The following ARL15 variants were observed in gnomAD, a reference collection of about 807,000 sequenced individuals.
ARL15 encodes ADP-ribosylation factor-like protein 15.
In ARL15, 19 loss-of-function variants were observed where a neutral mutation model predicts 25.2. The observed-to-expected ratio is 0.75, with a 90% CI of 0.53 to 1.10. The LOEUF (loss-of-function observed/expected upper bound fraction) is 1.10. Among genes scored for constraint, ARL15 ranks in the 50% least tolerant of loss-of-function variants. The pLI is 0.00. For missense variants in ARL15, 220 were observed against 246.0 expected (o/e 0.89, Z 0.71); for synonymous variants, 94 against 86.8 (o/e 1.08, Z -0.46).
chr5:54,094,233 T>C (rs572428449), intron 4 of ARL15, among the ~76,000 whole-genome samples: 1 of 152,298 alleles, frequency 6.6e-6, no homozygotes, highest in South Asian at 2.1e-4. Flanking sequence ...TTTATTTGGA[T>C]TGCCTTAAAA....
At chr5:54,119,818 T>C (rs1256477118) in intron 3 of ARL15, among the ~76,000 whole-genome samples, 1 of 152,152 alleles carries the variant, frequency 6.6e-6, no homozygotes, top group Non-Finnish European at 1.5e-5. Context: ...TTCAAACCAC[T>C]ACATGCGCTT....
chr5:54,222,110 G>A (rs749752305), intron 1 of ARL15, among the ~76,000 whole-genome samples: 5 of 152,154 alleles, frequency 3.3e-5, no homozygotes, highest in African/African-American at 7.2e-5. Context: ...GAATCAGAAA[G>A]CAAGTTTCTC....
At chr5:54,267,738 G>C (rs997498431) in intron 1 of ARL15, among the ~76,000 whole-genome samples, 4 of 152,152 alleles carry the variant, frequency 2.6e-5, no homozygotes, top group African/African-American at 9.6e-5. Flanking sequence ...GCTTAGTTTG[G>C]CTGGATATGA....
At chr5:54,095,674 A>AAT (rs1034454151) in intron 4 of ARL15, among the ~76,000 whole-genome samples, 6 of 152,170 alleles carry the variant, frequency 3.9e-5, no homozygotes, top group African/African-American at 1.4e-4. Flanking sequence ...ACTAGAATAC[A>AAT]ATAGCCACTC....
intron 1 of ARL15, among the ~76,000 whole-genome samples, chr5:54,200,382 T>C (rs1264633299): frequency 6.7e-6 from 1 of 150,108 alleles, no homozygotes; most frequent in Non-Finnish European, 1.5e-5. Flanking sequence ...TAGAGCATAA[T>C]TGTGTATCAA....
intron 4 of ARL15, among the ~76,000 whole-genome samples, chr5:53,959,835 A>G (rs1747303518): frequency 6.6e-6 from 1 of 151,792 alleles, no homozygotes; most frequent in Non-Finnish European, 1.5e-5. Context: ...TGTAACTCCC[A>G]CACTTAGCAC....
intron 4 of ARL15, among the ~76,000 whole-genome samples, chr5:53,925,173 C>A (rs762995373): frequency 6.6e-6 from 1 of 151,342 alleles, no homozygotes; most frequent in Non-Finnish European, 1.5e-5. Context: ...CATTTAAAAA[C>A]CTACAGTTTC....
At chr5:53,916,293 T>A (rs370324261) in intron 4 of ARL15, among the ~76,000 whole-genome samples, 3,410 of 141,926 alleles carry the variant, frequency 0.024, 60 homozygotes, top group Middle Eastern at 0.04. Context: ...AATGTAATAT[T>A]AAAAAAAAAA....
intron 4 of ARL15, among the ~76,000 whole-genome samples, chr5:54,017,354 G>A (rs1426537442): frequency 6.6e-6 from 1 of 151,988 alleles, no homozygotes; most frequent in Non-Finnish European, 1.5e-5. Context: ...TTTCAGCTTG[G>A]TATGTCTCTG....
chr5:54,261,749 TAC>T (rs371794928), intron 1 of ARL15, among the ~76,000 whole-genome samples: 12 of 150,390 alleles, frequency 8.0e-5, no homozygotes, highest in Admixed American at 1.3e-4. Context: ...AACCAGATCT[TAC>T]ACACACACAC....
intron 1 of ARL15, among the ~76,000 whole-genome samples, chr5:54,208,108 A>G (rs1275808341): frequency 6.6e-6 from 1 of 152,144 alleles, no homozygotes; most frequent in African/African-American, 2.4e-5. Context: ...CTTCTTTGGA[A>G]TATCTAACTA....
chr5:54,080,016 C>CACATAT (rs1751745602), intron 4 of ARL15, among the ~76,000 whole-genome samples: 1 of 126,940 alleles, frequency 7.9e-6, no homozygotes, highest in Non-Finnish European at 1.7e-5. Flanking sequence ...CACACACACA[C>CACATAT]AGACACAGAT....
At chr5:54,157,175 A>G (rs1754261053) in intron 2 of ARL15, among the ~76,000 whole-genome samples, 1 of 152,226 alleles carries the variant, frequency 6.6e-6, no homozygotes, top group African/African-American at 2.4e-5. Flanking sequence ...GCACATCACC[A>G]ATGTTTAATC....
At chr5:54,048,381 T>C (rs1750592623) in intron 4 of ARL15, 1 of 135,586 alleles carries the variant, frequency 7.4e-6, no homozygotes, top group African/African-American at 3.0e-5. Flanking sequence ...TTATAAATTA[T>C]ATATATATAA....
At chr5:54,115,479 C>A (rs1028747185) in intron 3 of ARL15, among the ~76,000 whole-genome samples, 24 of 152,234 alleles carry the variant, frequency 1.6e-4, no homozygotes, top group African/African-American at 5.5e-4. Context: ...AGAATAATAT[C>A]AGTAGCCAAA....
chr5:54,046,686 T>A (rs1057288700), intron 4 of ARL15, among the ~76,000 whole-genome samples: 1 of 152,210 alleles, frequency 6.6e-6, no homozygotes, highest in African/African-American at 2.4e-5. Flanking sequence ...GTTAGAATCA[T>A]GGGTCAACAA....
At chr5:54,199,661 T>C (rs989410233) in intron 1 of ARL15, among the ~76,000 whole-genome samples, 3 of 151,428 alleles carry the variant, frequency 2.0e-5, no homozygotes, top group African/African-American at 7.3e-5. Flanking sequence ...CTGGAGAGGA[T>C]GTGGAGAAAC....
At chr5:54,248,833 G>C (rs886225165) in intron 1 of ARL15, among the ~76,000 whole-genome samples, 1 of 152,166 alleles carries the variant, frequency 6.6e-6, no homozygotes, top group African/African-American at 2.4e-5. Context: ...CATGGGAATA[G>C]ATGAATTCAC....
At chr5:54,246,843 CACAG>C (rs1254993152) in intron 1 of ARL15, among the ~76,000 whole-genome samples, 67 of 116,020 alleles carry the variant, frequency 5.8e-4, no homozygotes, top group African/African-American at 2.1e-3. Context: ...CACACACACA[CACAG>C]AGTACATAAA....
Sources: allele counts gnomAD v4.1 joint callset (sites outside exome capture counted in the v4.1 genomes callset), GRCh38; gene constraint gnomAD v4.1.1; transcripts MANE v1.5; gene names NCBI Gene and HGNC (gene_info 2026-07-23, HGNC 2026-07-21).